INTU: variants seen among roughly 807,000 people sequenced by gnomAD.
INTU encodes the protein inturned planar cell polarity protein.
Under a neutral mutation model 100.5 loss-of-function variants are expected in INTU, and 68 were observed. The ratio of observed to expected loss-of-function variants is 0.68; its 90% confidence interval spans 0.56 to 0.83. The LOEUF is 0.83. Ranked by LOEUF, INTU falls within the 40% of genes least tolerant of loss-of-function variation. The pLI is 0.00. For synonymous variants in INTU, 357 were observed against 395.7 expected (o/e 0.90, Z 1.16); for missense variants, 1,071 against 1,114.7 (o/e 0.96, Z 0.56).
chr4:127,651,062 GTTGT>G (rs1343374157), intron 2 of INTU, among the ~76,000 whole-genome samples: 9 of 152,060 alleles, frequency 5.9e-5, no homozygotes, highest in East Asian at 3.9e-4. Flanking sequence ...TTTTGATGGG[GTTGT>G]TTGTTTTTTT....
intron 6 of INTU, among the ~76,000 whole-genome samples, chr4:127,677,656 C>T (rs1300192207): frequency 6.6e-6 from 1 of 152,098 alleles, no homozygotes; most frequent in Non-Finnish European, 1.5e-5. Context: ...GGGGAAAAAA[C>T]AGAGCAGAAA....
chr4:127,636,133 G>A (rs903738606), intron 1 of INTU, among the ~76,000 whole-genome samples: 1 of 152,104 alleles, frequency 6.6e-6, no homozygotes, highest in African/African-American at 2.4e-5. Context: ...AGCCAGGCAT[G>A]ATGGTATGTG....
intron 5 of INTU, among the ~76,000 whole-genome samples, chr4:127,673,649 T>C (rs1275596031): frequency 1.3e-5 from 2 of 151,624 alleles, no homozygotes; most frequent in Non-Finnish European, 2.9e-5. Context: ...TAGGCTGGAG[T>C]GCAGTGGCAC....
Position 127,687,808 on chromosome 4 carries a change from GC to G in INTU, c.1391del (p.Ala464GlufsTer4). 6.2e-7 allele frequency: 1 copy of G among 1,610,444 alleles called. No individual in the cohort carries two copies. On this transcript the variant is annotated frameshift_variant, in exon 8 of 16. Coordinates refer to ENST00000335251, the MANE Select transcript of INTU (RefSeq NM_015693.4). LOFTEE classifies it high-confidence loss of function. ...TGCTCAGCAGTACGATGCTTCCAGT[GC>G]AGTACTTTTAGACAACCTCCCTGGA... ...PSAQQYDASS[A>X]VLLDNLPGVR...
intron 6 of INTU, among the ~76,000 whole-genome samples, chr4:127,680,088 A>G (rs911152374): frequency 2.2e-4 from 34 of 152,144 alleles, no homozygotes; most frequent in Non-Finnish European, 4.7e-4. Context: ...ACAATAACAG[A>G]ATCTGAAATG....
At chr4:127,654,931 CTT>C (rs1335211059) in intron 2 of INTU, among the ~76,000 whole-genome samples, 1 of 145,710 alleles carries the variant, frequency 6.9e-6, no homozygotes, top group Non-Finnish European at 1.5e-5. Context: ...TCTTTTTATT[CTT>C]TTTTCTCTAA....
intron 14 of INTU, among the ~76,000 whole-genome samples, chr4:127,713,237 A>G (rs934820722): frequency 1.3e-5 from 2 of 152,180 alleles, no homozygotes; most frequent in African/African-American, 2.4e-5. Context: ...GAGGCTTTCA[A>G]AATTCTCAAA....
intron 1 of INTU, among the ~76,000 whole-genome samples, chr4:127,639,808 T>C (rs1328015870): frequency 6.6e-6 from 1 of 152,168 alleles, no homozygotes; most frequent in Non-Finnish European, 1.5e-5. Context: ...TTTTGAAATA[T>C]ACACTATAAT....
intron 1 of INTU, among the ~76,000 whole-genome samples, chr4:127,636,611 C>T (rs1220984344): frequency 7.4e-6 from 1 of 135,714 alleles, no homozygotes; most frequent in African/African-American, 3.0e-5. Context: ...GACACACCAT[C>T]TCAAAAAAAA....
chr4:127,707,778 A>G (rs532729274), intron 12 of INTU, among the ~76,000 whole-genome samples: 4 of 152,156 alleles, frequency 2.6e-5, no homozygotes, highest in African/African-American at 9.6e-5. Flanking sequence ...ATTTTTCCTA[A>G]TTTTTTCCCA....
chr4:127,683,848 G>A (rs1321173138), intron 6 of INTU: 1 of 152,128 alleles, frequency 6.6e-6, no homozygotes. Context: ...TTTGTATAAT[G>A]GGAATAATAA....
intron 6 of INTU, among the ~76,000 whole-genome samples, chr4:127,681,000 C>T (rs1341165167): frequency 8.6e-5 from 13 of 151,950 alleles, no homozygotes; most frequent in African/African-American, 3.1e-4. Flanking sequence ...CTCCCATTCA[C>T]AATTGCTTCA....
chr4:127,649,473 CCTT>C (rs1419847761), intron 2 of INTU, among the ~76,000 whole-genome samples: 5 of 152,022 alleles, frequency 3.3e-5, no homozygotes, highest in East Asian at 3.9e-4. Context: ...GTTGAGTACT[CCTT>C]CTTCAAAATA....
intron 8 of INTU, among the ~76,000 whole-genome samples, chr4:127,691,978 A>ATATATATATATATATATATATATATATG (rs1560868017): frequency 7.0e-6 from 1 of 143,592 alleles, no homozygotes; most frequent in Non-Finnish European, 1.5e-5. Flanking sequence ...ATATATATAT[A>ATATATATATATATATATATATATATATG]TATGTCACAT....
chr4:127,679,873 T>TAA (rs1300316517), intron 6 of INTU, among the ~76,000 whole-genome samples: 1 of 150,940 alleles, frequency 6.6e-6, no homozygotes, highest in Non-Finnish European at 1.5e-5. Flanking sequence ...TAATAAAGAA[T>TAA]AAAAGAGAGA....
chr4:127,696,567 C>T (rs897434653), intron 8 of INTU, among the ~76,000 whole-genome samples: 3 of 150,806 alleles, frequency 2.0e-5, no homozygotes, highest in Non-Finnish European at 4.4e-5. Context: ...TGTGTCCTCT[C>T]TATTTTTATC....
At chr4:127,653,687 A>G (rs1243627708) in intron 2 of INTU, among the ~76,000 whole-genome samples, 4 of 149,834 alleles carry the variant, frequency 2.7e-5, no homozygotes, top group African/African-American at 9.8e-5. Context: ...GCTGAAAAAA[A>G]TGTATATTCT....
rs369827556 is a variant in INTU at position 127,650,070 on chromosome 4, G to A, written c.682+6014G>A. On this transcript the variant is annotated intron_variant, in intron 2 of 15. Coordinates refer to ENST00000335251, the MANE Select transcript of INTU (RefSeq NM_015693.4). ...AGGAAATTTTTACCAAACATGCAGT[G>A]TATTTTGATATGGTTGGGGCCTTTG... Among the ~76,000 whole-genome samples the A allele has an allele frequency of 1.3e-4, 20 of 152,230 alleles. 1 individual carries two copies. The South Asian group carries it at 4.1e-3, about 32-fold the overall frequency.
chr4:127,709,694 A>G (rs1731020197), intron 13 of INTU, among the ~76,000 whole-genome samples: 1 of 145,898 alleles, frequency 6.9e-6, no homozygotes, highest in Non-Finnish European at 1.5e-5. Flanking sequence ...GAACAACTAG[A>G]CACGTACTAA....
Sources: allele counts gnomAD v4.1 joint callset (sites outside exome capture counted in the v4.1 genomes callset), GRCh38; gene constraint gnomAD v4.1.1; transcripts MANE v1.5; gene names NCBI Gene and HGNC (gene_info 2026-07-23, HGNC 2026-07-21).